KLHL29: variants seen among roughly 807,000 people sequenced by gnomAD.
KLHL29 encodes kelch-like protein 29.
In KLHL29, 21 loss-of-function variants were observed where a neutral mutation model predicts 80.4. The ratio of observed to expected loss-of-function variants is 0.26; its 90% CI spans 0.19 to 0.38. The LOEUF (loss-of-function observed/expected upper bound fraction) is 0.38, where lower values mean the gene tolerates loss of function less well. Ranked by LOEUF, KLHL29 falls within the 10% of genes least tolerant of loss-of-function variation. The pLI is 1.00. For synonymous variants in KLHL29, 511 were observed against 526.8 expected, an observed-to-expected ratio of 0.97 and a Z score of 0.41; for missense variants, 867 against 1,223.9, an observed-to-expected ratio of 0.71 and a Z score of 4.35.
chr2:23,523,907 C>T, intron 2 of KLHL29: 1 of 452,104 alleles, frequency 2.2e-6, no homozygotes, highest in Non-Finnish European at 4.7e-6. Context: ...TTCTACAATT[C>T]CTTTTACCAA....
chr2:23,547,425 T>A (rs1469624), intron 2 of KLHL29, among the ~76,000 whole-genome samples: 125,778 of 152,084 alleles, frequency 0.83, 52,364 homozygotes, highest in East Asian at 1. Flanking sequence ...TTTACTAGCT[T>A]TGTGGCCCCA....
chr2:23,389,757 A>G (rs1666272664), intron 1 of KLHL29, among the ~76,000 whole-genome samples: 1 of 152,168 alleles, frequency 6.6e-6, no homozygotes, highest in Admixed American at 6.5e-5. Flanking sequence ...GGCCTGTCTT[A>G]GCATCTTTCA....
intron 2 of KLHL29, among the ~76,000 whole-genome samples, chr2:23,536,685 G>A (rs1354511008): frequency 6.6e-6 from 1 of 152,122 alleles, no homozygotes; most frequent in African/African-American, 2.4e-5. Flanking sequence ...CTCCGTGAAG[G>A]TTTGCTGCAG....
At chr2:23,582,067 C>T (rs549082263) in intron 3 of KLHL29, among the ~76,000 whole-genome samples, 68 of 152,252 alleles carry the variant, frequency 4.5e-4, no homozygotes, top group African/African-American at 1.6e-3. Flanking sequence ...GGTCTAGGAG[C>T]AAAGGCAGTG....
intron 3 of KLHL29, among the ~76,000 whole-genome samples, chr2:23,606,173 T>TGAGAGAGAGAGG (rs1668718383): frequency 1.2e-5 from 1 of 80,552 alleles, no homozygotes; most frequent in African/African-American, 5.1e-5. Context: ...TGTGTGTGCG[T>TGAGAGAGAGAGG]GAGAGAGAGA....
At chr2:23,588,720 A>G (rs992223329) in intron 3 of KLHL29, among the ~76,000 whole-genome samples, 10 of 152,244 alleles carry the variant, frequency 6.6e-5, no homozygotes, top group African/African-American at 1.9e-4. Context: ...TTATGCACTG[A>G]GATTTGAGGC....
chr2:23,591,787 T>G (rs1246652301), intron 3 of KLHL29, among the ~76,000 whole-genome samples: 1 of 152,190 alleles, frequency 6.6e-6, no homozygotes, highest in East Asian at 1.9e-4. Context: ...GCCTTCCTCG[T>G]CGCGTTCCAA....
intron 13 of KLHL29, 127 bp downstream of exon 13, chr2:23,703,990 C>G: frequency 2.7e-6 from 3 of 1,112,904 alleles, no homozygotes; most frequent in South Asian, 1.6e-5. Context: ...GGCCCTCCCC[C>G]TCCAACCACA....
chr2:23,693,305 T>TGGCCATGGCCGA lies in KLHL29; in HGVS notation c.1327_1338dup (p.Ala443_Met446dup). ...ACGGCCAGCAACTGCCTGGGCGTGC[T>TGGCCATGGCCGA]GGCCATGGCCGAGGCCATGCAGTGC... On this transcript the variant is annotated inframe_insertion, in exon 8 of 14. Coordinates refer to ENST00000486442, the MANE Select transcript of KLHL29 (RefSeq NM_052920.2). The TGGCCATGGCCGA allele has an allele frequency of 6.5e-7, 1 of 1,546,626 alleles. No individual in the cohort carries two copies. The highest frequency in any genetic ancestry group is 8.7e-7 in the Non-Finnish European group (1 of 1,143,590).
At chr2:23,401,581 G>A (rs901700826) in intron 1 of KLHL29, among the ~76,000 whole-genome samples, 1 of 152,230 alleles carries the variant, frequency 6.6e-6, no homozygotes, top group African/African-American at 2.4e-5. Flanking sequence ...GACATGGAGT[G>A]TGGAGCCCAT....
At chr2:23,693,613 G>A in intron 8 of KLHL29, 85 bp downstream of exon 8, 1 of 1,376,518 alleles carries the variant, frequency 7.3e-7, no homozygotes, top group Non-Finnish European at 1.0e-6. Context: ...GAGGAAGGAA[G>A]TGAACCTTCC....
chr2:23,501,421 G>A (rs1467942847), intron 2 of KLHL29, among the ~76,000 whole-genome samples: 4 of 152,096 alleles, frequency 2.6e-5, no homozygotes, highest in Non-Finnish European at 5.9e-5. Flanking sequence ...AGCCGCGGCC[G>A]AGAGACAGCA....
intron 4 of KLHL29, among the ~76,000 whole-genome samples, chr2:23,640,476 C>T (rs1423980436): frequency 2.6e-5 from 4 of 152,134 alleles, no homozygotes; most frequent in Non-Finnish European, 5.9e-5. Flanking sequence ...TTTTTCCAGG[C>T]TCTCTGGCTA....
chr2:23,653,250 C>A (rs917566194), intron 5 of KLHL29, among the ~76,000 whole-genome samples: 1 of 152,182 alleles, frequency 6.6e-6, no homozygotes, highest in African/African-American at 2.4e-5. Context: ...TATCACATTT[C>A]CCCCAGAAAC....
intron 3 of KLHL29, among the ~76,000 whole-genome samples, chr2:23,615,218 A>C (rs541558439): frequency 6.6e-6 from 1 of 152,262 alleles, no homozygotes; most frequent in East Asian, 1.9e-4. Flanking sequence ...AGGCTTTGTT[A>C]TTAGCATTTT....
chr2:23,464,292 G>A (rs577386297), intron 1 of KLHL29, among the ~76,000 whole-genome samples: 6 of 152,292 alleles, frequency 3.9e-5, no homozygotes, highest in Admixed American at 6.5e-5. Flanking sequence ...CGGAGCCCCC[G>A]GAGCCCCCAG....
At chr2:23,620,113 G>A (rs1282009692) in intron 3 of KLHL29, among the ~76,000 whole-genome samples, 3 of 152,178 alleles carry the variant, frequency 2.0e-5, no homozygotes, top group Admixed American at 6.5e-5. Flanking sequence ...CCTCGGTGAG[G>A]GGGCCCAGTG....
Position 23,693,445 on chromosome 2 carries a change from G to A in KLHL29, c.1459G>A (p.Asp487Asn). The change falls in exon 8 of 14, where the codon GAC (aspartate) becomes AAC (asparagine). Residue 487 changes from aspartate (D) to asparagine (N), a missense_variant. Physicochemically the swap from Asp to Asn is conservative, Grantham distance 23. Around this residue, in one of 2 missense-constraint regions of KLHL29, gnomAD observed 443 missense variants for 767.0 expected, o/e 0.58. Transcript: ENST00000486442. ...CGACTTCATCGCCTACGTCTCCAAC[G>A]ACAGCCTCAACACCAAGGCTGAGGA... ...KDDFIAYVSNDSLNTKAEELV... is the reference protein window; with the variant it reads ...KDDFIAYVSNNSLNTKAEELV... 1.3e-6 allele frequency: 2 copies of A among 1,551,696 alleles called. No homozygotes were observed. The highest frequency in any genetic ancestry group is 1.7e-6 in the Non-Finnish European group (2 of 1,146,986).
chr2:23,400,684 T>A (rs1446238720), intron 1 of KLHL29, among the ~76,000 whole-genome samples: 3 of 149,212 alleles, frequency 2.0e-5, no homozygotes, highest in South Asian at 4.3e-4. Context: ...AAAAAAAAAA[T>A]GTTAAATTAG....
Sources: allele counts gnomAD v4.1 joint callset (sites outside exome capture counted in the v4.1 genomes callset), GRCh38; gene constraint gnomAD v4.1.1; regional missense constraint gnomAD v4.1.1; transcripts MANE v1.5; gene names NCBI Gene and HGNC (gene_info 2026-07-23, HGNC 2026-07-21).